The following CLPTM1L variants were observed in gnomAD, a reference collection of about 807,000 sequenced individuals.
CLPTM1L encodes CLPTM1 like.
A neutral mutation model predicts 70.9 loss-of-function variants in CLPTM1L; 38 were observed. The ratio of observed to expected loss-of-function variants is 0.54; its 90% CI spans 0.41 to 0.70. The LOEUF is 0.70. Among genes scored for constraint, CLPTM1L ranks in the 30% least tolerant of loss-of-function variants. CLPTM1L has a pLI of 0.00. For synonymous variants in CLPTM1L, 339 were observed against 299.9 expected, an observed-to-expected ratio of 1.13 and a Z score of -1.35; for missense variants, 652 against 705.9, an observed-to-expected ratio of 0.92 and a Z score of 0.87.
At position 1,344,899 on chromosome 5, in the gene CLPTM1L, GC is replaced by G; in HGVS notation, c.-59del. On this transcript the variant is annotated 5_prime_UTR_variant, in exon 1 of 17. Transcript: ENST00000320895. ...CGCCTCTCAGCCGCGAGCCCCGCCC[GC>G]CCGGCGCCCAGCCCGCCGCTCCGGG... is the stretch of plus-strand genomic sequence containing the variant. The G allele has an allele frequency of 1.0e-6, 1 of 967,780 alleles. No homozygotes were observed. The highest frequency in any genetic ancestry group is 4.6e-5 in the South Asian group (1 of 21,532). 59.9% of individuals were successfully genotyped at this position (967,780 alleles called of 1,614,324 possible). A position where few individuals can be genotyped will look rare whatever the true frequency, so the allele number is the denominator to read the frequency against.
intron 5 of CLPTM1L, among the ~76,000 whole-genome samples, chr5:1,337,377 C>T (rs889360313): frequency 2.0e-5 from 3 of 152,232 alleles, no homozygotes; most frequent in African/African-American, 7.2e-5. Context: ...AATCACAGGG[C>T]GCCAGAGCCC....
At chr5:1,332,813 C>A (rs1753186964) in intron 7 of CLPTM1L, among the ~76,000 whole-genome samples, 1 of 152,240 alleles carries the variant, frequency 6.6e-6, no homozygotes, top group South Asian at 2.1e-4. Flanking sequence ...AAAACCATTA[C>A]ATAATACATA....
In CLPTM1L at chr5:1,342,280, C is replaced by A. The variant is rs1306871642; in HGVS notation, c.264-420G>T. On this transcript the variant is annotated intron_variant, in intron 2 of 16. Coordinates refer to ENST00000320895, the MANE Select transcript of CLPTM1L (RefSeq NM_030782.5). This position sits in a 1 kb window ranked among gnomAD's most constrained non-coding sequence, Gnocchi z 4.3. The stretch of plus-strand genomic sequence containing the variant: ...CGACAGAAGGGAAGGGCAGCAGCCA[C>A]GAGGGCTCCAGGTGCCTCGGCCCAC... 1.3e-5 allele frequency among the ~76,000 whole-genome samples: 2 copies of A among 152,154 alleles called. No individual in the cohort carries two copies. Among genetic ancestry groups the A allele is most frequent in the Non-Finnish European group, 2.9e-5 (2 of 68,024 alleles).
intron 12 of CLPTM1L, 88 bp from the exon 13 acceptor site, chr5:1,322,999 A>C: frequency 7.5e-7 from 1 of 1,341,936 alleles, no homozygotes; most frequent in Admixed American, 1.7e-5. Flanking sequence ...TTCATTAAAA[A>C]TCCTCTGAAA....
At chr5:1,325,880 A>G (rs1752501851) in intron 9 of CLPTM1L, 64 bp from the exon 10 acceptor site, 1 of 1,414,512 alleles carries the variant, frequency 7.1e-7, no homozygotes, top group African/African-American at 1.4e-5. Flanking sequence ...CGAATGAACG[A>G]CCCAGACAGT....
intron 8 of CLPTM1L, 51 bp downstream of exon 8, chr5:1,331,748 T>G: frequency 4.3e-5 from 66 of 1,518,324 alleles, no homozygotes; most frequent in Non-Finnish European, 5.4e-5. Context: ...CAGGCTCCAG[T>G]GAGCTCCCTG....
At chr5:1,324,011 G>A (rs926642296) in intron 11 of CLPTM1L, 142 bp from the exon 12 acceptor site, 20 of 662,570 alleles carry the variant, frequency 3.0e-5, no homozygotes, top group African/African-American at 1.8e-4. Context: ...AGGGGGCGGC[G>A]TGAGGGGCAC....
intron 9 of CLPTM1L, among the ~76,000 whole-genome samples, chr5:1,327,868 T>C (rs376103903): frequency 0.057 from 2,556 of 44,608 alleles, 274 homozygotes; most frequent in Middle Eastern, 0.1. Context: ...CAGACACATT[T>C]CATCCAGCTC....
chr5:1,324,710 G>C, intron 11 of CLPTM1L, 53 bp downstream of exon 11: 1 of 1,498,894 alleles, frequency 6.7e-7, no homozygotes, highest in Non-Finnish European at 9.3e-7. Context: ...ACCCGTCTTT[G>C]AGGGTGTTGG....
intron 5 of CLPTM1L, among the ~76,000 whole-genome samples, chr5:1,337,632 C>T (rs1753660923): frequency 6.6e-6 from 1 of 152,238 alleles, no homozygotes; most frequent in African/African-American, 2.4e-5. Flanking sequence ...GCCCTCTATG[C>T]GCTGCATAAA....
intron 11 of CLPTM1L, 105 bp downstream of exon 11, chr5:1,324,658 G>A (rs1369328105): frequency 5.3e-6 from 6 of 1,137,542 alleles, no homozygotes; most frequent in East Asian, 2.4e-5. Context: ...GGGCTGACCC[G>A]TACTCCAAGG....
At chr5:1,338,366 T>C in intron 4 of CLPTM1L, 1 of 290,474 alleles carries the variant, frequency 3.4e-6, no homozygotes, top group Non-Finnish European at 6.5e-6. Context: ...GAAGGGCGAG[T>C]CACCTGCAGC....
chr5:1,344,421 GGTGGGACCTC>G lies in CLPTM1L; in HGVS notation c.183_192del (p.Arg62TrpfsTer11). On this transcript the variant is annotated frameshift_variant, in exon 2 of 17. Transcript: ENST00000320895. LOFTEE classifies it high-confidence loss of function. ...AGGTCGATGTTGTTCTCAGCACCCAGGTGGGACCTCGTCGTGGTGTACACGCTCAGCTGGA... is the reference window on the plus strand; with the variant it reads ...AGGTCGATGTTGTTCTCAGCACCCAGGTCGTGGTGTACACGCTCAGCTGGA... 6.2e-7 allele frequency: 1 copy of G among 1,613,736 alleles called. No homozygotes were observed. The highest frequency in any genetic ancestry group is 8.5e-7 in the Non-Finnish European group (1 of 1,179,916).
chr5:1,323,332 G>A (rs1351260999), intron 12 of CLPTM1L, among the ~76,000 whole-genome samples: 9 of 128,956 alleles, frequency 7.0e-5, no homozygotes, highest in East Asian at 2.1e-4. Context: ...CAGCCCACCT[G>A]GGCAACAGAG....
At chr5:1,322,439 G>A (rs1752212205) in intron 13 of CLPTM1L, among the ~76,000 whole-genome samples, 1 of 152,226 alleles carries the variant, frequency 6.6e-6, no homozygotes, top group Non-Finnish European at 1.5e-5. Flanking sequence ...GTGCACCAGA[G>A]CCTGGTGCTT....
chr5:1,335,851 G>A lies in CLPTM1L; in HGVS notation c.679-677C>T, dbSNP rs1053910145. 2.0e-5 allele frequency among the ~76,000 whole-genome samples: 3 copies of A among 152,342 alleles called. No homozygotes were observed. The East Asian group carries it at 5.8e-4, about 29-fold the overall frequency. On this transcript the variant is annotated intron_variant, in intron 5 of 16. Transcript: ENST00000320895. ...AGCGCGAGCCCACACCCTACAGCAC[G>A]TGGGCAGTGACCACACCCGGTGAGC...
intron 7 of CLPTM1L, chr5:1,332,120 A>G (rs1385806709): frequency 1.9e-6 from 1 of 535,036 alleles, no homozygotes; most frequent in Non-Finnish European, 3.4e-6. Flanking sequence ...CGTACCTTTG[A>G]CTTGAACTGC....
intron 6 of CLPTM1L, 54 bp downstream of exon 6, chr5:1,335,003 C>T: frequency 1.4e-6 from 2 of 1,408,302 alleles, no homozygotes; most frequent in African/African-American, 1.4e-5. Flanking sequence ...CACTTGGATG[C>T]CCGAGGGGCT....
Position 1,321,625 on chromosome 5 carries a change from TCA to T in CLPTM1L, c.1416+8_1416+9del. On this transcript the variant is annotated splice_region_variant and intron_variant, in intron 15 of 16. Coordinates refer to ENST00000320895, the MANE Select transcript of CLPTM1L (RefSeq NM_030782.5). ...GTGAGAAGGGATTCCTCACCGGCTG[TCA>T]CACTCACCTTGTAGGTGAAGGCCTT... 3 of 1,613,316 alleles carry T rather than the reference TCA, an allele frequency of 1.9e-6. No individual in the cohort carries two copies. Among genetic ancestry groups the T allele is most frequent in the Non-Finnish European group, 2.5e-6 (3 of 1,179,520 alleles).
Sources: gnomAD v4.1 joint callset for allele counts (sites outside exome capture counted in the v4.1 genomes callset) on GRCh38, gnomAD v4.1.1 for gene constraint, Gnocchi (gnomAD v3.1) non-coding constraint, MANE v1.5 for transcripts, NCBI Gene and HGNC (gene_info 2026-07-23, HGNC 2026-07-21) for gene names.